Variants in ZEB1 observed in about 807,000 individuals in gnomAD.
ZEB1 encodes the protein zinc finger E-box-binding homeobox 1.
ZEB1 carries 21 observed loss-of-function variants against 84.9 expected under a neutral mutation model. The observed-to-expected ratio is 0.25, with a 90% CI of 0.18 to 0.36. The LOEUF is 0.36. Among genes scored for constraint, ZEB1 ranks in the 10% least tolerant of loss-of-function variants. The pLI, the probability that ZEB1 is intolerant of heterozygous loss-of-function variation, is 1.00. For missense variants in ZEB1, 1,104 were observed against 1,330.2 expected (o/e 0.83, Z 2.65); for synonymous variants, 420 against 471.1 (o/e 0.89, Z 1.41).
intron 1 of ZEB1, chr10:31,361,185 T>C (rs897222969): frequency 5.6e-6 from 9 of 1,611,804 alleles, no homozygotes; most frequent in Non-Finnish European, 7.6e-6. Flanking sequence ...CAAAAGACCA[T>C]CCTGCTCTCA....
intron 8 of ZEB1, 38 bp downstream of exon 8, chr10:31,524,151 T>G (rs2072931528): frequency 6.3e-7 from 1 of 1,589,616 alleles, no homozygotes; most frequent in Non-Finnish European, 8.6e-7. Context: ...GTCCATGATA[T>G]GATATACTGG....
chr10:31,375,373 G>A (rs1183435258), intron 1 of ZEB1, among the ~76,000 whole-genome samples: 2 of 151,672 alleles, frequency 1.3e-5, no homozygotes, highest in East Asian at 1.9e-4. Flanking sequence ...GCTTTGGAAT[G>A]TACATGATAT....
chr10:31,521,919 C>CA lies in ZEB1; in HGVS notation c.2588dup (p.Pro864AlafsTer7), dbSNP rs2072496321. The CA allele has an allele frequency of 2.5e-6, 4 of 1,613,896 alleles. No homozygotes were observed. Among genetic ancestry groups the CA allele is most frequent in the Non-Finnish European group, 3.4e-6 (4 of 1,179,980 alleles). On this transcript the variant is annotated frameshift_variant, in exon 7 of 9. Transcript: ENST00000424869. LOFTEE classifies it high-confidence loss of function. ...CCAAGAACCACCCTTGAAAGTGATCCAGCCAAATGGAAATCAGGTAAAAAA... is the reference window on the plus strand; with the variant it reads ...CCAAGAACCACCCTTGAAAGTGATCCAAGCCAAATGGAAATCAGGTAAAAAA...
intron 2 of ZEB1, among the ~76,000 whole-genome samples, chr10:31,462,322 C>G (rs761786237): frequency 6.6e-6 from 1 of 152,202 alleles, no homozygotes; most frequent in Non-Finnish European, 1.5e-5. Flanking sequence ...TTTGTCCATT[C>G]AGCAACCTCT....
rs544708493 is a variant in ZEB1, at chr10:31,438,065, G to T, written c.59-22972G>T. The stretch of plus-strand genomic sequence containing the variant: ...TTTAAATAATTGACTGTGTGTTTGG[G>T]TGTATGTGAGATACTATAACCTGTA... On this transcript the variant is annotated intron_variant, in intron 1 of 8. Transcript: ENST00000424869. 1.4e-4 allele frequency among the ~76,000 whole-genome samples: 22 copies of T among 152,300 alleles called. No individual in the cohort carries two copies. In the South Asian group the frequency reaches 3.9e-3, roughly 27 times the overall value.
At chr10:31,502,582 A>T in intron 4 of ZEB1, 73 bp downstream of exon 4, 1 of 1,589,828 alleles carries the variant, frequency 6.3e-7, no homozygotes. Flanking sequence ...TACTATGGGA[A>T]CCTGCTCTAC....
intron 2 of ZEB1, among the ~76,000 whole-genome samples, chr10:31,491,681 G>A (rs752307155): frequency 1.1e-4 from 16 of 151,930 alleles, no homozygotes; most frequent in African/African-American, 3.1e-4. Context: ...TTAAATAACC[G>A]TTTCCTTCAT....
chr10:31,320,136 C>G (rs1268588096), intron 1 of ZEB1: 1 of 151,498 alleles, frequency 6.6e-6, no homozygotes, highest in Non-Finnish European at 1.5e-5. Context: ...GGGGACTCCG[C>G]GGCGAGCCCC....
chr10:31,524,738 T>C (rs1320825333), intron 8 of ZEB1, among the ~76,000 whole-genome samples: 1 of 150,314 alleles, frequency 6.7e-6, no homozygotes, highest in Non-Finnish European at 1.5e-5. Flanking sequence ...TAGTACCCAT[T>C]AATAAAAAAT....
chr10:31,396,287 T>C (rs770645101), intron 1 of ZEB1, among the ~76,000 whole-genome samples: 6 of 152,220 alleles, frequency 3.9e-5, no homozygotes, highest in Non-Finnish European at 8.8e-5. Flanking sequence ...CTCCTACCTT[T>C]TGTTACTGGC....
At chr10:31,319,367 G>C in intron 1 of ZEB1, 75 bp downstream of exon 1, 1 of 1,473,200 alleles carries the variant, frequency 6.8e-7, no homozygotes, top group Non-Finnish European at 9.3e-7. Flanking sequence ...GGGGGTGAGG[G>C]GGGCGAGCCG....
At chr10:31,379,890 T>G (rs376750398) in intron 1 of ZEB1, among the ~76,000 whole-genome samples, 1 of 152,186 alleles carries the variant, frequency 6.6e-6, no homozygotes, top group Non-Finnish European at 1.5e-5. Context: ...GTCTTTTCAC[T>G]CCTGCATTCT....
Position 31,321,619 on chromosome 10 carries a change from A to G in ZEB1, c.58+2327A>G. On this transcript the variant is annotated intron_variant, in intron 1 of 8. Coordinates refer to ENST00000424869, the MANE Select transcript of ZEB1 (RefSeq NM_001174096.2). ...AAAGGGGCTTTTCTTGTTGCTGACGACATGTGTGTGACATGTGAGTCTGAA... is the reference window on the plus strand; with the variant it reads ...AAAGGGGCTTTTCTTGTTGCTGACGGCATGTGTGTGACATGTGAGTCTGAA... 13 of 1,601,936 alleles carry G rather than the reference A, an allele frequency of 8.1e-6. No individual in the cohort carries two copies. The South Asian group carries it at 1.4e-4, about 18-fold the overall frequency.
intron 1 of ZEB1, among the ~76,000 whole-genome samples, chr10:31,453,360 C>G (rs905524981): frequency 2.6e-5 from 4 of 152,126 alleles, no homozygotes; most frequent in South Asian, 2.1e-4. Context: ...CTACATGGCC[C>G]TATCCTGCTA....
intron 2 of ZEB1, among the ~76,000 whole-genome samples, chr10:31,472,548 A>C (rs2063423700): frequency 6.8e-6 from 1 of 147,088 alleles, no homozygotes; most frequent in Non-Finnish European, 1.5e-5. Context: ...ACAGGATCTG[A>C]AATTGTGGCA....
At chr10:31,469,471 G>A (rs956868154) in intron 2 of ZEB1, among the ~76,000 whole-genome samples, 1 of 152,112 alleles carries the variant, frequency 6.6e-6, no homozygotes, top group Non-Finnish European at 1.5e-5. Context: ...TGGAAAATCG[G>A]GTCACTCCCA....
intron 1 of ZEB1, among the ~76,000 whole-genome samples, chr10:31,398,075 TATGTGAATATGAA>T (rs2051159844): frequency 6.6e-6 from 1 of 152,192 alleles, no homozygotes; most frequent in African/African-American, 2.4e-5. Context: ...TTCAAAGAAC[TATGTGAATATGAA>T]AGTAGATTTT....
At chr10:31,409,005 G>A (rs1321368654) in intron 1 of ZEB1, among the ~76,000 whole-genome samples, 1 of 151,768 alleles carries the variant, frequency 6.6e-6, no homozygotes, top group African/African-American at 2.4e-5. Flanking sequence ...ATCTGACAAA[G>A]GGCTAATATC....
At chr10:31,457,616 CAT>C (rs1318494760) in intron 1 of ZEB1, among the ~76,000 whole-genome samples, 1 of 152,020 alleles carries the variant, frequency 6.6e-6, no homozygotes, top group African/African-American at 2.4e-5. Flanking sequence ...GGATTTATGA[CAT>C]AATCTATCTT....
Sources: allele counts gnomAD v4.1 joint callset (sites outside exome capture counted in the v4.1 genomes callset), GRCh38; gene constraint gnomAD v4.1.1; transcripts MANE v1.5; gene names NCBI Gene and HGNC (gene_info 2026-07-23, HGNC 2026-07-21).